Variants in EYS observed in about 807,000 individuals in gnomAD.
EYS encodes EGF-like photoreceptor maintenance factor, also known as protein eyes shut homolog.
Under a neutral mutation model 282.1 loss-of-function variants are expected in EYS, and 250 were observed. The observed-to-expected ratio is 0.89, with a 90% confidence interval of 0.80 to 0.98. The LOEUF is 0.98. Ranked by LOEUF, EYS falls within the 50% of genes least tolerant of loss-of-function variation. The pLI, the probability that EYS is intolerant of heterozygous loss-of-function variation, is 0.00. For synonymous variants in EYS, 1,355 were observed against 1,282.9 expected (o/e 1.06, Z -1.20); for missense variants, 4,016 against 3,709.0 (o/e 1.08, Z -2.15).
intron 13 of EYS, among the ~76,000 whole-genome samples, chr6:65,026,392 TAGGAAGGAAATGCATTCC>T (rs2150141273): frequency 6.6e-6 from 1 of 151,920 alleles, no homozygotes; most frequent in African/African-American, 2.4e-5. Flanking sequence ...ATAAAAGTAA[TAGGAAGGAAATGCATTCC>T]AGGCCAAAGG....
intron 23 of EYS, among the ~76,000 whole-genome samples, chr6:64,624,596 T>C (rs1443586314): frequency 6.6e-6 from 1 of 152,158 alleles, no homozygotes; most frequent in East Asian, 1.9e-4. Context: ...TACAAAGTTC[T>C]CCAGATGTTC....
chr6:64,455,521 G>A (rs980354781), intron 26 of EYS, among the ~76,000 whole-genome samples: 4 of 151,974 alleles, frequency 2.6e-5, no homozygotes, highest in Non-Finnish European at 5.9e-5. Context: ...GTGCCATGGT[G>A]GTTTGCTGCA....
At chr6:65,648,317 T>TGTGTGG in intron 1 of EYS, among the ~76,000 whole-genome samples, 1 of 79,636 alleles carries the variant, frequency 1.3e-5, no homozygotes, top group Non-Finnish European at 2.3e-5. Flanking sequence ...AAAATATATG[T>TGTGTGG]GTGTGTGTGT....
intron 22 of EYS, among the ~76,000 whole-genome samples, chr6:64,777,106 A>G (rs1047864588): frequency 2.6e-5 from 4 of 152,192 alleles, no homozygotes; most frequent in Non-Finnish European, 4.4e-5. Flanking sequence ...ACTCACTATC[A>G]TGAGAACAAG....
At chr6:65,371,733 CTCTCTCTCTGTG>C (rs1176195089) in intron 8 of EYS, among the ~76,000 whole-genome samples, 2,291 of 50,318 alleles carry the variant, frequency 0.046, 45 homozygotes, top group African/African-American at 0.11. Flanking sequence ...CTCTCTCTCT[CTCTCTCTCTGTG>C]TGTGTGTGTG....
intron 41 of EYS, among the ~76,000 whole-genome samples, chr6:63,751,848 C>T (rs75543488): frequency 2.0e-5 from 3 of 152,178 alleles, no homozygotes; most frequent in African/African-American, 7.2e-5. Context: ...AACAACTCTA[C>T]TTAACAGTTT....
intron 29 of EYS, among the ~76,000 whole-genome samples, chr6:64,352,771 C>T (rs590048): frequency 6.6e-6 from 1 of 151,234 alleles, no homozygotes; most frequent in Admixed American, 6.6e-5. Context: ...TGTAATTATT[C>T]GAAGAGTAAT....
chr6:64,384,771 A>G (rs1186887490), intron 29 of EYS, among the ~76,000 whole-genome samples: 2 of 152,206 alleles, frequency 1.3e-5, no homozygotes, highest in African/African-American at 4.8e-5. Context: ...CATCAGGGGA[A>G]GCAGAGTTTT....
chr6:65,442,550 G>C lies in EYS; in HGVS notation c.863-37183C>G, dbSNP rs190315904. 7.3e-3 allele frequency among the ~76,000 whole-genome samples: 1,104 copies of C among 151,918 alleles called. 17 individuals carry two copies. The highest frequency in any genetic ancestry group is 0.038 in the South Asian group (183 of 4,816). ...GGGCAGATCACGAGGTCAGGAGATTGAGACCATCCTGGCTAACATAGTGAA... is the reference window on the plus strand; with the variant it reads ...GGGCAGATCACGAGGTCAGGAGATTCAGACCATCCTGGCTAACATAGTGAA... On this transcript the variant is annotated intron_variant, in intron 5 of 42. Transcript: ENST00000503581.
chr6:65,032,172 C>A (rs1772625938), intron 13 of EYS, among the ~76,000 whole-genome samples: 1 of 152,050 alleles, frequency 6.6e-6, no homozygotes, highest in Non-Finnish European at 1.5e-5. Flanking sequence ...ATACATACAA[C>A]CTCCCAAGAT....
intron 2 of EYS, among the ~76,000 whole-genome samples, chr6:65,571,598 T>C (rs1764478460): frequency 1.3e-5 from 2 of 152,044 alleles, no homozygotes; most frequent in African/African-American, 4.8e-5. Flanking sequence ...TAATCTGGTC[T>C]CCTATAGCCA....
At chr6:64,021,843 A>G (rs1769208267) in intron 33 of EYS, among the ~76,000 whole-genome samples, 1 of 152,324 alleles carries the variant, frequency 6.6e-6, no homozygotes, top group Admixed American at 6.5e-5. Flanking sequence ...AAGAAATTAT[A>G]TACATGCACA....
At chr6:64,703,999 A>G (rs1770885234) in intron 22 of EYS, among the ~76,000 whole-genome samples, 1 of 152,076 alleles carries the variant, frequency 6.6e-6, no homozygotes, top group African/African-American at 2.4e-5. Context: ...ATGTCTCACA[A>G]TGTATTTAAT....
intron 35 of EYS, among the ~76,000 whole-genome samples, chr6:63,928,559 C>A (rs138026054): frequency 6.6e-6 from 1 of 151,522 alleles, no homozygotes; most frequent in East Asian, 1.9e-4. Flanking sequence ...TGTGCGTGTG[C>A]GCATGCGTAG....
intron 29 of EYS, among the ~76,000 whole-genome samples, chr6:64,359,859 C>T (rs894271208): frequency 2.0e-5 from 3 of 151,676 alleles, no homozygotes; most frequent in African/African-American, 7.3e-5. Context: ...AGGGCTTGGA[C>T]ATATGAATTT....
intron 22 of EYS, among the ~76,000 whole-genome samples, chr6:64,754,715 A>T (rs1237834392): frequency 6.6e-6 from 1 of 152,258 alleles, no homozygotes; most frequent in East Asian, 1.9e-4. Flanking sequence ...CTACATAAAC[A>T]TTTGATAAAA....
intron 31 of EYS, among the ~76,000 whole-genome samples, chr6:64,104,743 C>T (rs1772948181): frequency 7.6e-6 from 1 of 131,792 alleles, no homozygotes; most frequent in Non-Finnish European, 1.5e-5. Flanking sequence ...TCTCTTCTGG[C>T]AAGCTTTTTT....
At chr6:64,086,419 A>G (rs980504194) in intron 31 of EYS, among the ~76,000 whole-genome samples, 4 of 152,176 alleles carry the variant, frequency 2.6e-5, no homozygotes, top group African/African-American at 9.7e-5. Context: ...CCTTTGGTCA[A>G]AAACTTCAGT....
chr6:65,209,453 T>C (rs1766118625), intron 12 of EYS, among the ~76,000 whole-genome samples: 1 of 151,864 alleles, frequency 6.6e-6, no homozygotes, highest in African/African-American at 2.4e-5. Context: ...CCCCACTTAA[T>C]ATAGAGTAAT....
Sources: allele counts gnomAD v4.1 joint callset (sites outside exome capture counted in the v4.1 genomes callset), GRCh38; gene constraint gnomAD v4.1.1; transcripts MANE v1.5; gene names NCBI Gene and HGNC (gene_info 2026-07-23, HGNC 2026-07-21).